Variants in AOPEP observed in about 807,000 individuals in gnomAD.
The protein encoded by AOPEP is aminopeptidase O.
AOPEP carries 77 observed loss-of-function variants against 98.1 expected under a neutral mutation model. The ratio of observed to expected loss-of-function variants is 0.78; its 90% CI spans 0.65 to 0.95. AOPEP has a LOEUF of 0.95. Among genes scored for constraint, AOPEP ranks in the 40% least tolerant of loss-of-function variants. The probability of loss-of-function intolerance (pLI) is 0.00; values close to 1 mark genes in which losing one functional copy is unlikely to be tolerated. For synonymous variants in AOPEP, 346 were observed against 365.3 expected (o/e 0.95, Z 0.60); for missense variants, 1,024 against 1,024.7 (o/e 1.00, Z 0.01).
At chr9:94,754,152 T>A (rs1271233115) in intron 1 of AOPEP, among the ~76,000 whole-genome samples, 1 of 152,224 alleles carries the variant, frequency 6.6e-6, no homozygotes, top group African/African-American at 2.4e-5. Flanking sequence ...AAACAGTATA[T>A]TTGAACTTCT....
At chr9:95,066,335 A>G (rs532436127) in intron 14 of AOPEP, among the ~76,000 whole-genome samples, 1 of 152,206 alleles carries the variant, frequency 6.6e-6, no homozygotes, top group African/African-American at 2.4e-5. Flanking sequence ...TTTTTTTTTA[A>G]AAAGCTGATC....
At chr9:94,769,095 TG>T (rs1220860784) in intron 2 of AOPEP, among the ~76,000 whole-genome samples, 1 of 152,226 alleles carries the variant, frequency 6.6e-6, no homozygotes, top group East Asian at 1.9e-4. Flanking sequence ...GTGTGCATGA[TG>T]GGGGCCATCT....
chr9:95,095,768 G>A, the AOPEP span, among the ~76,000 whole-genome samples: 9 of 152,078 alleles, frequency 5.9e-5, no homozygotes, highest in Non-Finnish European at 1.0e-4. Flanking sequence ...TCGTGAGATC[G>A]GCATCCTCTC....
chr9:95,110,384 C>T, the AOPEP span: 8 of 1,022,892 alleles, frequency 7.8e-6, no homozygotes, highest in African/African-American at 6.8e-5. Flanking sequence ...ATATGTGCCC[C>T]GTACATCTTA....
At chr9:95,117,723 A>ATTTT in the AOPEP span, among the ~76,000 whole-genome samples, 2 of 136,822 alleles carry the variant, frequency 1.5e-5, no homozygotes, top group African/African-American at 5.4e-5. Flanking sequence ...GTATTTCAGC[A>ATTTT]TTTTTTTTTT....
At position 94,831,735 on chromosome 9, in the gene AOPEP, AG is replaced by A. The variant is rs201547728; in HGVS notation, c.1364+30736del. The stretch of plus-strand genomic sequence containing the variant: ...TGTGTCTTCTCTGATTTCCTTGAGC[AG>A]GGTTTTGTAGTTCTTCTTGAATGAA... On this transcript the variant is annotated intron_variant, in intron 5 of 16. Coordinates refer to ENST00000375315, the MANE Select transcript of AOPEP (RefSeq NM_001193329.3). 4.7e-3 allele frequency among the ~76,000 whole-genome samples: 709 copies of A among 152,090 alleles called. 9 individuals are homozygous for A. The highest frequency in any genetic ancestry group is 0.042 in the South Asian group (201 of 4,824).
chr9:94,759,538 AC>A (rs1272142803), intron 1 of AOPEP, 110 bp from the exon 2 acceptor site: 1 of 458,648 alleles, frequency 2.2e-6, no homozygotes, highest in East Asian at 3.6e-5. Flanking sequence ...ATGAGCATCT[AC>A]CGCTTGGGGG....
downstream of AOPEP, among the ~76,000 whole-genome samples, chr9:95,089,414 G>C (rs984455160): frequency 6.6e-6 from 1 of 152,256 alleles, no homozygotes; most frequent in Non-Finnish European, 1.5e-5. Context: ...AAGACGGGCT[G>C]TCTGGAAGAG....
intron 13 of AOPEP, among the ~76,000 whole-genome samples, chr9:95,030,315 T>C (rs1047280000): frequency 1.3e-5 from 2 of 152,204 alleles, no homozygotes; most frequent in Admixed American, 1.3e-4. Context: ...TCAAAGGTGG[T>C]TTCATGCAGG....
intron 13 of AOPEP, among the ~76,000 whole-genome samples, chr9:95,058,398 C>T (rs2067019658): frequency 6.6e-6 from 1 of 152,150 alleles, no homozygotes; most frequent in Non-Finnish European, 1.5e-5. Context: ...CCCTGTAATT[C>T]TGCAATTTGG....
At chr9:94,945,695 G>A (rs1437526685) in intron 7 of AOPEP, among the ~76,000 whole-genome samples, 1 of 152,138 alleles carries the variant, frequency 6.6e-6, no homozygotes. Context: ...CAGATGAGGC[G>A]ATCCTTCCCA....
downstream of AOPEP, among the ~76,000 whole-genome samples, chr9:95,090,853 G>T (rs1263764074): frequency 6.6e-6 from 1 of 152,214 alleles, no homozygotes; most frequent in African/African-American, 2.4e-5. Context: ...ATGTTTATTG[G>T]AATTTCAAAC....
chr9:94,777,153 G>A (rs1842284510), intron 3 of AOPEP, among the ~76,000 whole-genome samples: 1 of 152,072 alleles, frequency 6.6e-6, no homozygotes, highest in African/African-American at 2.4e-5. Flanking sequence ...CTAATGTTAA[G>A]GCTGGGCGGG....
intron 5 of AOPEP, among the ~76,000 whole-genome samples, chr9:94,835,589 G>A (rs922889458): frequency 5.9e-5 from 9 of 152,330 alleles, no homozygotes; most frequent in African/African-American, 2.2e-4. Flanking sequence ...GTACAAGGGT[G>A]CAAGGCCTTT....
intron 5 of AOPEP, among the ~76,000 whole-genome samples, chr9:94,858,681 G>A (rs1354621361): frequency 6.6e-6 from 1 of 152,176 alleles, no homozygotes; most frequent in Non-Finnish European, 1.5e-5. Flanking sequence ...GGGATTAGGA[G>A]GTGGGGCCTT....
chr9:94,748,997 A>C (rs186448496), intron 1 of AOPEP, among the ~76,000 whole-genome samples: 251 of 152,332 alleles, frequency 1.6e-3, no homozygotes, highest in African/African-American at 5.7e-3. Flanking sequence ...AGTTTGGCCT[A>C]TATTCAAGGG....
chr9:95,103,899 A>C, the AOPEP span, among the ~76,000 whole-genome samples: 1 of 152,222 alleles, frequency 6.6e-6, no homozygotes, highest in Non-Finnish European at 1.5e-5. Context: ...AGGGCTCTGA[A>C]GAGAGATAGT....
At chr9:94,956,066 G>A in intron 9 of AOPEP, 51 bp downstream of exon 9, 1 of 1,069,502 alleles carries the variant, frequency 9.4e-7, no homozygotes, top group Non-Finnish European at 1.4e-6. Flanking sequence ...AGGGGGTATG[G>A]CACATGAAGA....
downstream of AOPEP, among the ~76,000 whole-genome samples, chr9:95,091,370 C>T (rs2070864505): frequency 6.6e-6 from 1 of 152,170 alleles, no homozygotes; most frequent in South Asian, 2.1e-4. Context: ...CCCCATTCCC[C>T]AGAATAAGCG....
Sources: gnomAD v4.1 joint callset for allele counts (sites outside exome capture counted in the v4.1 genomes callset) on GRCh38, gnomAD v4.1.1 for gene constraint, MANE v1.5 for transcripts, NCBI Gene and HGNC (gene_info 2026-07-23, HGNC 2026-07-21) for gene names.